The following KDSR variants were observed in gnomAD, a reference collection of about 807,000 sequenced individuals.
KDSR encodes 3-ketodihydrosphingosine reductase, also known as 3-dehydrosphinganine reductase.
KDSR carries 23 observed loss-of-function variants against 41.3 expected under a neutral mutation model. The ratio of observed to expected loss-of-function variants is 0.56; its 90% CI spans 0.40 to 0.79. KDSR has a LOEUF of 0.79. Ranked by LOEUF, KDSR falls within the 30% of genes least tolerant of loss-of-function variation. The pLI is 0.00. For synonymous variants in KDSR, 138 were observed against 151.7 expected (o/e 0.91, Z 0.66); for missense variants, 351 against 416.8 (o/e 0.84, Z 1.37).
intron 5 of KDSR, 47 bp downstream of exon 5, chr18:63,355,157 T>G (rs1312253377): frequency 2.4e-6 from 3 of 1,264,210 alleles, no homozygotes; most frequent in Non-Finnish European, 3.5e-6. Context: ...TAGCTTGCTC[T>G]GCTTTTAGCA....
intron 6 of KDSR, among the ~76,000 whole-genome samples, chr18:63,348,280 G>T (rs1309795235): frequency 6.7e-6 from 1 of 149,982 alleles, no homozygotes. Context: ...CTGCACTCCA[G>T]CCTCGGCAAC....
chr18:63,367,138 C>A lies in KDSR; in HGVS notation c.-20G>T, dbSNP rs552532970. The A allele has an allele frequency of 4.7e-6, 6 of 1,276,002 alleles. No individual in the cohort carries two copies. The Admixed American group carries it at 2.2e-4, about 46-fold the overall frequency. The allele number at this position is 1,276,002 out of a possible 1,614,324, so 79.0% of individuals were successfully genotyped here. A position where few individuals can be genotyped will look rare whatever the true frequency, so the allele number is the denominator to read the frequency against. ...CAGCATCGCTCCGCGGGGCCAGGGGCCCGGAGCGGCCGGGCGGGGGCCGCC... is the reference window on the plus strand; with the variant it reads ...CAGCATCGCTCCGCGGGGCCAGGGGACCGGAGCGGCCGGGCGGGGGCCGCC... On this transcript the variant is annotated 5_prime_UTR_variant, in exon 1 of 10. Coordinates refer to ENST00000645214, the MANE Select transcript of KDSR (RefSeq NM_002035.4).
chr18:63,339,192 A>G (rs1490828852), intron 7 of KDSR, among the ~76,000 whole-genome samples: 1 of 151,408 alleles, frequency 6.6e-6, no homozygotes, highest in Admixed American at 6.6e-5. Flanking sequence ...GTTCAGAAAG[A>G]CCCCCTTTGA....
At chr18:63,340,119 C>T (rs2144353933) in intron 7 of KDSR, among the ~76,000 whole-genome samples, 1 of 152,298 alleles carries the variant, frequency 6.6e-6, no homozygotes, top group South Asian at 2.1e-4. Context: ...ATTGTATTTA[C>T]CCCCAACAAG....
At position 63,366,986 on chromosome 18, in the gene KDSR, G is replaced by A. The variant is rs529711776; in HGVS notation, c.108+25C>T. 1.9e-5 allele frequency: 24 copies of A among 1,232,384 alleles called. No individual in the cohort carries two copies. The South Asian group carries it at 4.1e-4, about 21-fold the overall frequency. The allele number at this position is 1,232,384 out of a possible 1,614,324, so 76.3% of individuals were successfully genotyped here. Reference sequence around the variant, plus strand: ...AAGGCCGCGCGGGCCGGTAAGTCGGGGGGCAGCAACAGGAGGCCACTCACC... The same window carrying A: ...AAGGCCGCGCGGGCCGGTAAGTCGGAGGGCAGCAACAGGAGGCCACTCACC... On this transcript the variant is annotated intron_variant, in intron 1 of 9. Transcript: ENST00000645214.
chr18:63,351,087 G>A lies in KDSR; in HGVS notation c.418-8C>T, dbSNP rs895522355. ...ATTGATGCTCATTAACCTCTGCAGG[G>A]AACAAAGAGGCCACATGAGGTCAAA... On this transcript the variant is annotated splice_polypyrimidine_tract_variant and splice_region_variant and intron_variant, in intron 5 of 9. Coordinates refer to ENST00000645214, the MANE Select transcript of KDSR (RefSeq NM_002035.4). The A allele has an allele frequency of 6.2e-7, 1 of 1,603,202 alleles. No homozygotes were observed. Among genetic ancestry groups the A allele is most frequent in the Non-Finnish European group, 8.5e-7 (1 of 1,174,424 alleles).
Position 63,329,961 on chromosome 18 carries a change from A to G in KDSR, c.*1821T>C, listed in dbSNP as rs1913927225. Reference sequence around the variant, plus strand: ...TTGGCTCTGTAAGACTGAAAGATTTATGAAACCATTCTGGCATCAACCCAT... The same window carrying G: ...TTGGCTCTGTAAGACTGAAAGATTTGTGAAACCATTCTGGCATCAACCCAT... On this transcript the variant is annotated 3_prime_UTR_variant, in exon 10 of 10. Coordinates refer to ENST00000645214, the MANE Select transcript of KDSR (RefSeq NM_002035.4). 9.5e-5 allele frequency: 18 copies of G among 189,790 alleles called. No homozygotes were observed. The East Asian group carries it at 1.5e-3, about 16-fold the overall frequency. The allele number at this position is 189,790 out of a possible 1,614,324, so 11.8% of individuals were successfully genotyped here. A position where few individuals can be genotyped will look rare whatever the true frequency, so the allele number is the denominator to read the frequency against.
intron 3 of KDSR, chr18:63,359,417 C>T: frequency 3.5e-5 from 8 of 228,756 alleles, no homozygotes; most frequent in East Asian, 1.9e-4. Context: ...TCAAAAATTC[C>T]ATAACCAAAT....
At chr18:63,357,594 A>ATATTTTTTT (rs1555715128) in intron 3 of KDSR, among the ~76,000 whole-genome samples, 1 of 120,808 alleles carries the variant, frequency 8.3e-6, no homozygotes, top group African/African-American at 3.2e-5. Flanking sequence ...ATATATATAT[A>ATATTTTTTT]TTTTTTTTTG....
At chr18:63,351,812 C>A (rs1299355194) in intron 5 of KDSR, among the ~76,000 whole-genome samples, 1 of 151,980 alleles carries the variant, frequency 6.6e-6, no homozygotes. Flanking sequence ...GAGACGGGGT[C>A]TCACTCTGTC....
At chr18:63,362,916 G>A in intron 1 of KDSR, 48 bp from the exon 2 acceptor site, 1 of 1,305,248 alleles carries the variant, frequency 7.7e-7, no homozygotes, top group Non-Finnish European at 1.1e-6. Context: ...TCTCCCCTCT[G>A]TAGGAAGTTT....
Sources: allele counts gnomAD v4.1 joint callset (sites outside exome capture counted in the v4.1 genomes callset), GRCh38; gene constraint gnomAD v4.1.1; transcripts MANE v1.5; gene names NCBI Gene and HGNC (gene_info 2026-07-23, HGNC 2026-07-21).